Variants in MINDY4B observed in about 807,000 individuals in gnomAD.
MINDY4B encodes inactive ubiquitin carboxyl-terminal hydrolase MINDY-4B.
MINDY4B carries 25 observed loss-of-function variants against 16.7 expected under a neutral mutation model. The observed-to-expected ratio is 1.49, with a 90% CI of 1.09 to 2.09. The LOEUF (loss-of-function observed/expected upper bound fraction) is 2.09. Among genes scored for constraint, MINDY4B ranks in the 30% most tolerant of loss-of-function variants. The pLI is 0.00. For missense variants in MINDY4B, 327 were observed against 168.4 expected (o/e 1.94, Z -5.21); for synonymous variants, 132 against 61.9 (o/e 2.13, Z -5.32).
chr3:150,898,295 G>T (rs768216367), intron 3 of MINDY4B, among the ~76,000 whole-genome samples: 1 of 152,232 alleles, frequency 6.6e-6, no homozygotes, highest in Non-Finnish European at 1.5e-5. Flanking sequence ...AAATGTGGAA[G>T]ATTAAGACCG....
At chr3:150,874,005 ATTTTTTTT>A (rs558319330) in intron 10 of MINDY4B, among the ~76,000 whole-genome samples, 3 of 81,988 alleles carry the variant, frequency 3.7e-5, no homozygotes, top group South Asian at 5.8e-4. Context: ...TTTAGCCTTG[ATTTTTTTT>A]TTTTTTTTTT....
chr3:150,890,692 A>G, intron 6 of MINDY4B: 2 of 507,686 alleles, frequency 3.9e-6, no homozygotes, highest in South Asian at 6.7e-5. Context: ...TGGAAATATC[A>G]TTTATGATTA....
chr3:150,893,816 G>A (rs547319796), intron 4 of MINDY4B, among the ~76,000 whole-genome samples: 8 of 151,702 alleles, frequency 5.3e-5, no homozygotes, highest in South Asian at 2.1e-4. Flanking sequence ...TTAGCCTCCC[G>A]AGTAGCTAGG....
At chr3:150,876,459 C>G (rs1283342164) in intron 10 of MINDY4B, among the ~76,000 whole-genome samples, 1 of 152,176 alleles carries the variant, frequency 6.6e-6, no homozygotes. Flanking sequence ...TTCCTGGTGA[C>G]AATTCCTGTG....
chr3:150,873,386 A>T lies in MINDY4B; in HGVS notation c.1060-19T>A, dbSNP rs1265477639. The T allele has an allele frequency of 1.4e-6, 1 of 700,196 alleles. No individual in the cohort carries two copies. Among genetic ancestry groups the T allele is most frequent in the Non-Finnish European group, 2.6e-6 (1 of 383,718 alleles). The allele number at this position is 700,196 out of a possible 1,614,324, so 43.4% of individuals were successfully genotyped here. A position where few individuals can be genotyped will look rare whatever the true frequency, so the allele number is the denominator to read the frequency against. On this transcript the variant is annotated intron_variant, in intron 10 of 11. Transcript: ENST00000465419. Reference sequence around the variant, plus strand: ...TGCCCACCTGGAAAGGGGAAGGGGAATGCAGATAAATATATAGATTTTGCC... The same window carrying T: ...TGCCCACCTGGAAAGGGGAAGGGGATTGCAGATAAATATATAGATTTTGCC...
chr3:150,884,122 A>G (rs975890181), intron 8 of MINDY4B, among the ~76,000 whole-genome samples: 2 of 152,210 alleles, frequency 1.3e-5, no homozygotes, highest in African/African-American at 4.8e-5. Context: ...ACCACACTGC[A>G]GAGTGCTGGT....
intron 3 of MINDY4B, among the ~76,000 whole-genome samples, 192 bp downstream of exon 3, chr3:150,903,057 C>T (rs762759691): frequency 2.0e-5 from 3 of 152,206 alleles, no homozygotes; most frequent in Non-Finnish European, 2.9e-5. Flanking sequence ...GAGGAAAGGG[C>T]TGTACTGCCA....
At chr3:150,895,715 T>C (rs1711945230) in intron 3 of MINDY4B, among the ~76,000 whole-genome samples, 1 of 152,222 alleles carries the variant, frequency 6.6e-6, no homozygotes, top group Non-Finnish European at 1.5e-5. Context: ...TCTGCCGGTC[T>C]TGGCCTCCCA....
At chr3:150,877,163 G>A (rs966935324) in intron 10 of MINDY4B, among the ~76,000 whole-genome samples, 3 of 152,084 alleles carry the variant, frequency 2.0e-5, no homozygotes, top group South Asian at 2.1e-4. Context: ...TAGAGAAGAC[G>A]GAGGCAGCAT....
rs183232897 is a variant in MINDY4B, at chr3:150,900,616, T to C, written c.309+2633A>G. On this transcript the variant is annotated intron_variant, in intron 3 of 11. Coordinates refer to ENST00000465419, the MANE Select transcript of MINDY4B (RefSeq NM_001351281.2). ...ACTCATGATCATCTGGCCCATATAA[T>C]GGGAATAAATCCAAATTTATTTTTT... 3.5e-3 allele frequency among the ~76,000 whole-genome samples: 536 copies of C among 152,326 alleles called. 4 individuals are homozygous for C. Among genetic ancestry groups the C allele is most frequent in the Non-Finnish European group, 3.6e-3 (247 of 68,024 alleles).
At chr3:150,904,907 T>C (rs1214011001) in intron 2 of MINDY4B, among the ~76,000 whole-genome samples, 155 bp downstream of exon 2, 2 of 152,132 alleles carry the variant, frequency 1.3e-5, no homozygotes, top group Admixed American at 1.3e-4. Context: ...AAGAAAAAAA[T>C]CTTCGACAGG....
chr3:150,878,105 C>T (rs1208431083), intron 10 of MINDY4B, among the ~76,000 whole-genome samples: 1 of 152,020 alleles, frequency 6.6e-6, no homozygotes, highest in Non-Finnish European at 1.5e-5. Flanking sequence ...CTGATTACAA[C>T]TTGGAGTGGA....
At chr3:150,891,630 C>T (rs1711809380) in intron 5 of MINDY4B, among the ~76,000 whole-genome samples, 3 of 151,896 alleles carry the variant, frequency 2.0e-5, no homozygotes, top group Non-Finnish European at 2.9e-5. Flanking sequence ...GGCATGGTGG[C>T]AGGCGCCTGT....
intron 3 of MINDY4B, chr3:150,901,517 CTTTTCT>C (rs1313899982): frequency 4.6e-5 from 6 of 131,584 alleles, no homozygotes; most frequent in Non-Finnish European, 9.3e-5. Context: ...CTTTTCTTTT[CTTTTCT>C]TTTTTTTTTT....
chr3:150,903,760 G>C (rs954346236), intron 2 of MINDY4B, among the ~76,000 whole-genome samples: 1 of 152,126 alleles, frequency 6.6e-6, no homozygotes, highest in East Asian at 1.9e-4. Flanking sequence ...AACTTTGAAC[G>C]AATCTTTCCA....
Position 150,893,255 on chromosome 3 carries a change from T to A in MINDY4B, c.521+69A>T. On this transcript the variant is annotated intron_variant, in intron 5 of 11. Transcript: ENST00000465419. ...TTCTGAGACAACCTGAATTTTTCAG[T>A]TATGATTATTTAGCATATCAAGATT... 4 of 697,150 alleles carry A rather than the reference T, an allele frequency of 5.7e-6. No homozygotes were observed. The South Asian group carries it at 6.0e-5, about 10-fold the overall frequency. 43.2% of individuals were successfully genotyped at this position (697,150 alleles called of 1,614,324 possible).
rs1321155585 is a variant in MINDY4B at position 150,891,110 on chromosome 3, TGCAGAAG to T, written c.522-14_522-8del. On this transcript the variant is annotated splice_region_variant and splice_polypyrimidine_tract_variant and intron_variant, in intron 5 of 11. Transcript: ENST00000465419. ...CTTGCTTATTTCACATAAGCTATAA[TGCAGAAG>T]GCAGGAGTAGGAAACCATTGGAATG... The T allele has an allele frequency of 3.2e-5, 22 of 696,894 alleles. No homozygotes were observed. The highest frequency in any genetic ancestry group is 5.5e-5 in the Non-Finnish European group (21 of 379,956). 43.2% of individuals were successfully genotyped at this position (696,894 alleles called of 1,614,324 possible). A position where few individuals can be genotyped will look rare whatever the true frequency, so the allele number is the denominator to read the frequency against.
At chr3:150,882,852 A>G (rs1398950472) in intron 10 of MINDY4B, 45 bp downstream of exon 10, 2 of 667,048 alleles carry the variant, frequency 3.0e-6, no homozygotes, top group Non-Finnish European at 5.5e-6. Flanking sequence ...AACTGTTAAA[A>G]TATTGACATT....
chr3:150,898,530 C>T (rs78640914), intron 3 of MINDY4B, among the ~76,000 whole-genome samples: 11,234 of 152,176 alleles, frequency 0.074, 719 homozygotes, highest in African/African-American at 0.17. Flanking sequence ...ATTTACTTTC[C>T]AATATCAGAT....
Sources: allele counts gnomAD v4.1 joint callset (sites outside exome capture counted in the v4.1 genomes callset), GRCh38; gene constraint gnomAD v4.1.1; transcripts MANE v1.5; gene names NCBI Gene and HGNC (gene_info 2026-07-23, HGNC 2026-07-21).